The following MFGE8 variants were observed in gnomAD, a reference collection of about 807,000 sequenced individuals.
MFGE8 encodes the protein lactadherin.
In MFGE8, 34 loss-of-function variants were observed where a neutral mutation model predicts 42.6. The ratio of observed to expected loss-of-function variants is 0.80; its 90% CI spans 0.61 to 1.06. The LOEUF is 1.06. MFGE8 is among the 50% of genes least tolerant of loss of function. The pLI is 0.00. For missense variants in MFGE8, 510 were observed against 516.9 expected, an observed-to-expected ratio of 0.99 and a Z score of 0.13; for synonymous variants, 230 against 214.8, an observed-to-expected ratio of 1.07 and a Z score of -0.62.
At position 88,906,496 on chromosome 15, in the gene MFGE8, G is replaced by T; in HGVS notation, c.540+130C>A. 9.5e-7 allele frequency: 1 copy of T among 1,053,092 alleles called. No homozygotes were observed. The highest frequency in any genetic ancestry group is 1.5e-6 in the Non-Finnish European group (1 of 676,782). The allele number at this position is 1,053,092 out of a possible 1,614,324, so 65.2% of individuals were successfully genotyped here. On this transcript the variant is annotated intron_variant, in intron 4 of 7. Transcript: ENST00000268150. The surrounding 1 kb of genome is among the most constrained non-coding windows in gnomAD (Gnocchi z 4.2). Reference sequence around the variant, plus strand: ...GGGTTTCCCAATTTCTAGAAGCCAAGATGCACCCGAAGACCCACATCATAG... The same window carrying T: ...GGGTTTCCCAATTTCTAGAAGCCAATATGCACCCGAAGACCCACATCATAG...
rs578100089 is a variant in MFGE8, at chr15:88,899,602, C to G, written c.1026+54G>C. 2.7e-5 allele frequency: 44 copies of G among 1,614,176 alleles called. No individual in the cohort carries two copies. In the South Asian group the frequency reaches 4.6e-4, roughly 17 times the overall value. On this transcript the variant is annotated intron_variant, in intron 7 of 7. Coordinates refer to ENST00000268150, the MANE Select transcript of MFGE8 (RefSeq NM_005928.4). This position sits in a 1 kb window ranked among gnomAD's most constrained non-coding sequence, Gnocchi z 6.8. ...TCCCCTCAGAGCCCCAGGCCAGACT[C>G]CCAGGGAAGTAATGAAGGAATGGCA...
At position 88,910,384 on chromosome 15, in the gene MFGE8, A is replaced by C. The variant is rs895486123; in HGVS notation, c.74-461T>G. ...GCAGGTTCCGCCCACCAATTCAGGCACAGGTTGCAGTCACAGATGTCACCT... is the reference window on the plus strand; with the variant it reads ...GCAGGTTCCGCCCACCAATTCAGGCCCAGGTTGCAGTCACAGATGTCACCT... On this transcript the variant is annotated intron_variant, in intron 1 of 7. Coordinates refer to ENST00000268150, the MANE Select transcript of MFGE8 (RefSeq NM_005928.4). 7 of 265,056 alleles carry C rather than the reference A, an allele frequency of 2.6e-5. 1 individual carries two copies. Among genetic ancestry groups the C allele is most frequent in the Non-Finnish European group, 5.2e-5 (7 of 135,464 alleles). The allele number at this position is 265,056 out of a possible 1,614,324, so 16.4% of individuals were successfully genotyped here.
chr15:88,912,013 A>C, intron 1 of MFGE8: 1 of 812,158 alleles, frequency 1.2e-6, no homozygotes, highest in Non-Finnish European at 1.8e-6. Context: ...TGGGTTGGGA[A>C]TGGACTCTTC....
Position 88,909,854 on chromosome 15 carries a change from TCTC to T in MFGE8, c.140_142del (p.Gly47del), listed in dbSNP as rs749481367. Reference sequence around the variant, plus strand: ...CGTGCAGGTGTACGAGGGGAAGACATCTCCTCGCACTTCTTGGGAAATCTCCTC... The same window carrying T: ...CGTGCAGGTGTACGAGGGGAAGACATCTCGCACTTCTTGGGAAATCTCCTC... On this transcript the variant is annotated inframe_deletion, in exon 2 of 8. Transcript: ENST00000268150. 1.3e-5 allele frequency: 21 copies of T among 1,614,064 alleles called. No individual in the cohort carries two copies. The highest frequency in any genetic ancestry group is 1.1e-4 in the South Asian group (10 of 91,082).
Position 88,905,749 on chromosome 15 carries a change from G to A in MFGE8, c.685+8C>T. 1 of 1,614,084 alleles carries A rather than the reference G, an allele frequency of 6.2e-7. No individual in the cohort carries two copies. Reference sequence around the variant, plus strand: ...CAGTGCCCCCCTACCCGCACCCCCAGCACTCACCGTTCAGCTCACAGCCCA... The same window carrying A: ...CAGTGCCCCCCTACCCGCACCCCCAACACTCACCGTTCAGCTCACAGCCCA... On this transcript the variant is annotated splice_region_variant and intron_variant, in intron 5 of 7. Transcript: ENST00000268150. The surrounding 1 kb of genome is among the most constrained non-coding windows in gnomAD (Gnocchi z 6.6).
chr15:88,899,827 A>G lies in MFGE8; in HGVS notation c.871-16T>C. The G allele has an allele frequency of 6.2e-7, 1 of 1,613,852 alleles. No individual in the cohort carries two copies. The highest frequency in any genetic ancestry group is 2.2e-5 in the East Asian group (1 of 44,880). On this transcript the variant is annotated splice_polypyrimidine_tract_variant and intron_variant, in intron 6 of 7. Transcript: ENST00000268150. This position sits in a 1 kb window ranked among gnomAD's most constrained non-coding sequence, Gnocchi z 6.8. ...CCAGGTCCACCTACAGAAGAAACCA[A>G]CCACATTTTCTCTGCTTGGACCATC...
rs1567212628 is a variant in MFGE8 at position 88,899,491 on chromosome 15, G to C, written c.1068C>G (p.Asn356Lys). The change falls in exon 8 of 8, where the codon AAC becomes AAG. Residue 356 changes from asparagine (N) to lysine (K), a missense_variant. Asn to Lys is a moderately conservative substitution (Grantham distance 94, BLOSUM62 0). Transcript: ENST00000268150. This position sits in a 1 kb window ranked among gnomAD's most constrained non-coding sequence, Gnocchi z 6.8. ...GNWDNHSHKK[N>K]LFETPILARY... ...GAGCCAGGATGGGCGTCTCAAACAAGTTCTTCTTGTGGGAGTGGTTGTCCC... is the reference window on the plus strand; with the variant it reads ...GAGCCAGGATGGGCGTCTCAAACAACTTCTTCTTGTGGGAGTGGTTGTCCC... 3.7e-6 allele frequency: 6 copies of C among 1,614,228 alleles called. No homozygotes were observed. Among genetic ancestry groups the C allele is most frequent in the Non-Finnish European group, 5.1e-6 (6 of 1,180,032 alleles).
Position 88,905,654 on chromosome 15 carries a change from G to A in MFGE8, c.685+103C>T. The A allele has an allele frequency of 1.3e-6, 2 of 1,525,984 alleles. No individual in the cohort carries two copies. Among genetic ancestry groups the A allele is most frequent in the Non-Finnish European group, 1.8e-6 (2 of 1,108,878 alleles). The allele number at this position is 1,525,984 out of a possible 1,614,324, so 94.5% of individuals were successfully genotyped here. ...TGAAGCCTGGTCCCCGTGCCTTGTT[G>A]CTGCCCTACCTAGCTCAGTTTGGCT... is the stretch of plus-strand genomic sequence containing the variant. On this transcript the variant is annotated intron_variant, in intron 5 of 7. Coordinates refer to ENST00000268150, the MANE Select transcript of MFGE8 (RefSeq NM_005928.4). The surrounding 1 kb of genome is among the most constrained non-coding windows in gnomAD (Gnocchi z 6.6).
chr15:88,901,354 C>T (rs887484606), intron 6 of MFGE8, among the ~76,000 whole-genome samples, 197 bp downstream of exon 6: 3 of 152,130 alleles, frequency 2.0e-5, no homozygotes, highest in Admixed American at 1.3e-4. Flanking sequence ...CACACCCTTT[C>T]TCCACCTTGG....
chr15:88,906,411 A>ACTAGT lies in MFGE8; in HGVS notation c.540+210_540+214dup, dbSNP rs1031605128. The ACTAGT allele has an allele frequency of 5.1e-6, 3 of 590,610 alleles. No individual in the cohort carries two copies. Among genetic ancestry groups the ACTAGT allele is most frequent in the Admixed American group, 2.5e-5 (1 of 40,530 alleles). 36.6% of individuals were successfully genotyped at this position (590,610 alleles called of 1,614,324 possible). The stretch of plus-strand genomic sequence containing the variant: ...AGGTCACTGTGCCATTTTGAATCTC[A>ACTAGT]CTAGTCTCATCTCTAAAGTGGGACT... On this transcript the variant is annotated intron_variant, in intron 4 of 7. Transcript: ENST00000268150. This position sits in a 1 kb window ranked among gnomAD's most constrained non-coding sequence, Gnocchi z 4.2.
chr15:88,907,135 C>G, intron 3 of MFGE8, 60 bp downstream of exon 3: 2 of 1,561,654 alleles, frequency 1.3e-6, no homozygotes, highest in Non-Finnish European at 1.7e-6. Context: ...CCCCCAAATG[C>G]AGAAACATTC....
chr15:88,907,798 T>A (rs1043163664), intron 2 of MFGE8, among the ~76,000 whole-genome samples: 1 of 151,832 alleles, frequency 6.6e-6, no homozygotes, highest in Admixed American at 6.6e-5. Flanking sequence ...TGGCACAGAA[T>A]ACCGGTGTGA....
At chr15:88,912,231 G>C in intron 1 of MFGE8, 2 of 1,289,786 alleles carry the variant, frequency 1.6e-6, no homozygotes, top group Non-Finnish European at 1.0e-6. Flanking sequence ...GGACTTTCCA[G>C]TAACATTTGG....
chr15:88,909,498 T>C lies in MFGE8; in HGVS notation c.205+294A>G, dbSNP rs574199295. On this transcript the variant is annotated intron_variant, in intron 2 of 7. Coordinates refer to ENST00000268150, the MANE Select transcript of MFGE8 (RefSeq NM_005928.4). ...GGTGACTCAAGAAACAGCACTCCCG[T>C]GACCTCCAGGGTGACCACAACCCCT... Among the ~76,000 whole-genome samples, 16 of 152,340 alleles carry C rather than the reference T, an allele frequency of 1.1e-4. No homozygotes were observed. In the South Asian group the frequency reaches 2.1e-3, roughly 20 times the overall value.
chr15:88,908,611 G>A (rs930556892), intron 2 of MFGE8, among the ~76,000 whole-genome samples: 1 of 152,162 alleles, frequency 6.6e-6, no homozygotes, highest in African/African-American at 2.4e-5. Context: ...AGGCCCAGAA[G>A]CTAGAAGTCA....
Position 88,903,415 on chromosome 15 carries a change from T to TTA in MFGE8, c.686-1681_686-1680insTA, listed in dbSNP as rs1555461338. On this transcript the variant is annotated intron_variant, in intron 5 of 7. Coordinates refer to ENST00000268150, the MANE Select transcript of MFGE8 (RefSeq NM_005928.4). This position sits in a 1 kb window ranked among gnomAD's most constrained non-coding sequence, Gnocchi z 4.9. The stretch of plus-strand genomic sequence containing the variant: ...CACAGATCACCTGGGGATCTTGATA[T>TTA]AAAAAAAAAAAGCTTATGTTTCAGC... 1 of 146,638 alleles carries TTA rather than the reference T, an allele frequency of 6.8e-6. No homozygotes were observed. Among genetic ancestry groups the TTA allele is most frequent in the East Asian group, 2.0e-4 (1 of 5,052 alleles). The allele number at this position is 146,638 out of a possible 1,614,324, so 9.1% of individuals were successfully genotyped here.
At chr15:88,901,517 A>AACC in intron 6 of MFGE8, 34 bp downstream of exon 6, 43 of 1,072,530 alleles carry the variant, frequency 4.0e-5, no homozygotes, top group Non-Finnish European at 5.2e-5. Flanking sequence ...ATCCCACCCA[A>AACC]CCCCAGCCCC....
chr15:88,905,905 G>C lies in MFGE8; in HGVS notation c.541-4C>G, dbSNP rs1250820155. On this transcript the variant is annotated splice_region_variant and splice_polypyrimidine_tract_variant and intron_variant, in intron 4 of 7. Transcript: ENST00000268150. This position sits in a 1 kb window ranked among gnomAD's most constrained non-coding sequence, Gnocchi z 6.6. ...TGTTCCAGTTACCCACAAACTCCTA[G>C]CAGGGAAGGGACAAGACTGGAGAAG... The C allele has an allele frequency of 1.9e-6, 3 of 1,614,154 alleles. No individual in the cohort carries two copies. Among genetic ancestry groups the C allele is most frequent in the Non-Finnish European group, 2.5e-6 (3 of 1,180,018 alleles).
At chr15:88,913,053 C>T in intron 1 of MFGE8, 194 bp downstream of exon 1, 1 of 985,354 alleles carries the variant, frequency 1.0e-6, no homozygotes, top group Non-Finnish European at 1.2e-6. Flanking sequence ...CCAAAAGCCC[C>T]AGCGCAGAGA....
Sources: gnomAD v4.1 joint callset for allele counts (sites outside exome capture counted in the v4.1 genomes callset) on GRCh38, gnomAD v4.1.1 for gene constraint, Gnocchi (gnomAD v3.1) non-coding constraint, MANE v1.5 for transcripts, NCBI Gene and HGNC (gene_info 2026-07-23, HGNC 2026-07-21) for gene names.